SPTBN2: variants seen among roughly 807,000 people sequenced by gnomAD.
SPTBN2 encodes the protein spectrin beta chain, non-erythrocytic 2.
In SPTBN2, 107 loss-of-function variants were observed where a neutral mutation model predicts 284.2. That is an observed-to-expected ratio of 0.38 (90% confidence interval 0.32 to 0.44). The LOEUF (loss-of-function observed/expected upper bound fraction) is 0.44, where lower values mean the gene tolerates loss of function less well. SPTBN2 is among the 20% of genes least tolerant of loss of function. The probability of loss-of-function intolerance (pLI) is 1.00; values close to 1 mark genes in which losing one functional copy is unlikely to be tolerated. For synonymous variants in SPTBN2, 1,289 were observed against 1,354.8 expected, an observed-to-expected ratio of 0.95 and a Z score of 1.07; for missense variants, 2,569 against 3,287.1, an observed-to-expected ratio of 0.78 and a Z score of 5.34.
intron 3 of SPTBN2, among the ~76,000 whole-genome samples, chr11:66,719,977 T>C (rs1315171371): frequency 6.6e-6 from 1 of 152,172 alleles, no homozygotes; most frequent in Non-Finnish European, 1.5e-5. Flanking sequence ...TGGGAAGCTA[T>C]GGCTGCCACA....
At chr11:66,692,479 G>A in intron 26 of SPTBN2, 57 bp downstream of exon 26, 2 of 1,589,876 alleles carry the variant, frequency 1.3e-6, no homozygotes, top group Non-Finnish European at 8.5e-7. Context: ...TAGTCTCCCT[G>A]TGGGTCCTCC....
At position 66,685,652 on chromosome 11, in the gene SPTBN2, T is replaced by C; in HGVS notation, c.*219A>G. 1.7e-6 allele frequency: 1 copy of C among 575,232 alleles called. No homozygotes were observed. Among genetic ancestry groups the C allele is most frequent in the Non-Finnish European group, 3.1e-6 (1 of 319,066 alleles). 35.6% of individuals were successfully genotyped at this position (575,232 alleles called of 1,614,324 possible). A position where few individuals can be genotyped will look rare whatever the true frequency, so the allele number is the denominator to read the frequency against. On this transcript the variant is annotated 3_prime_UTR_variant, in exon 38 of 38. Transcript: ENST00000533211. The surrounding 1 kb of genome is among the most constrained non-coding windows in gnomAD (Gnocchi z 4.4). ...AGTCGGCGGGGGTGGGAGAGGGGGT[T>C]ACCTGGGTCCCACCACCAGTCTGGA...
intron 8 of SPTBN2, chr11:66,712,618 A>G (rs1941927209): frequency 6.6e-6 from 1 of 152,038 alleles, no homozygotes. Context: ...CCAGAACCAC[A>G]GGAACCAATC....
At chr11:66,730,106 G>A (rs1942780373), upstream of SPTBN2, among the ~76,000 whole-genome samples, 1 of 152,040 alleles carries the variant, frequency 6.6e-6, no homozygotes, top group Non-Finnish European at 1.5e-5. Context: ...CAGGCCTGAG[G>A]CTATTTATTA....
At chr11:66,697,466 C>T (rs555316745) in intron 20 of SPTBN2, among the ~76,000 whole-genome samples, 7 of 151,542 alleles carry the variant, frequency 4.6e-5, no homozygotes, top group African/African-American at 1.5e-4. Flanking sequence ...GCTTCTCTCC[C>T]ACCTCTTCTT....
Position 66,684,816 on chromosome 11 carries a change from G to C in SPTBN2, c.*1055C>G, listed in dbSNP as rs997343608. ...TCTACTGGAGAGCAGACGGCAAGTG[G>C]GGGCAGTAAGCACCCGCTGTGTGCT... On this transcript the variant is annotated 3_prime_UTR_variant, in exon 38 of 38. Coordinates refer to ENST00000533211, the MANE Select transcript of SPTBN2 (RefSeq NM_006946.4). Among the ~76,000 whole-genome samples the C allele has an allele frequency of 6.6e-6, 1 of 152,090 alleles. No individual in the cohort carries two copies. The highest frequency in any genetic ancestry group is 2.4e-5 in the African/African-American group (1 of 41,414).
Position 66,691,405 on chromosome 11 carries a change from G to A in SPTBN2, c.5444C>T (p.Ala1815Val), listed in dbSNP as rs980898064. ...CTGCTGCTGCTTGTGCTGCACCCGC[G>A]CCAGGGCTTGGCGTGCCCCGTGCAG... ...RFLHGARQAL[A>V]RVQHKQQQLP... The change falls in exon 27 of 38, where the codon GCG becomes GTG. Residue 1815 changes from alanine to valine, a missense_variant. This residue lies in a region of SPTBN2 where 1,130 missense variants were observed against 1,317.3 expected (regional missense o/e 0.86). Coordinates refer to ENST00000533211, the MANE Select transcript of SPTBN2 (RefSeq NM_006946.4). This position sits in a 1 kb window ranked among gnomAD's most constrained non-coding sequence, Gnocchi z 8.0. 7.5e-6 allele frequency: 12 copies of A among 1,610,626 alleles called. No individual in the cohort carries two copies. The South Asian group carries it at 7.7e-5, about 10-fold the overall frequency.
chr11:66,707,899 G>A lies in SPTBN2; in HGVS notation c.1351-81C>T, dbSNP rs1045251918. ...GCTCCTCTGTCCTGCAGGGCACTTG[G>A]CCTGCAAGATCCCAGCTCCATGCGG... On this transcript the variant is annotated intron_variant, in intron 12 of 37. Coordinates refer to ENST00000533211, the MANE Select transcript of SPTBN2 (RefSeq NM_006946.4). The surrounding 1 kb of genome is among the most constrained non-coding windows in gnomAD (Gnocchi z 4.9). 18 of 1,534,344 alleles carry A rather than the reference G, an allele frequency of 1.2e-5. No individual in the cohort carries two copies. Among genetic ancestry groups the A allele is most frequent in the Non-Finnish European group, 1.5e-5 (17 of 1,130,842 alleles).
chr11:66,688,566 G>T, intron 31 of SPTBN2, 87 bp downstream of exon 31: 1 of 1,545,114 alleles, frequency 6.5e-7, no homozygotes, highest in Non-Finnish European at 8.8e-7. Flanking sequence ...GCAGTGGGAA[G>T]AGAGAAGACA....
intron 20 of SPTBN2, 69 bp downstream of exon 20, chr11:66,698,570 C>T (rs868713712): frequency 6.2e-7 from 1 of 1,610,804 alleles, no homozygotes; most frequent in Non-Finnish European, 8.5e-7. Flanking sequence ...AAAACCACGT[C>T]CTGGAGCCAG....
At chr11:66,743,250 A>G (rs1038330760) in intron 1 of SPTBN2, among the ~76,000 whole-genome samples, 1 of 151,746 alleles carries the variant, frequency 6.6e-6, no homozygotes, top group Admixed American at 6.5e-5. Context: ...CCTTGCTCCA[A>G]TAGGTCTACC....
At chr11:66,705,663 G>A in intron 14 of SPTBN2, 21 bp downstream of exon 14, 1 of 1,609,496 alleles carries the variant, frequency 6.2e-7, no homozygotes. Context: ...TCCCTCTCCA[G>A]TGCCTTCGCT....
rs55950324 is a variant in SPTBN2 at position 66,683,063 on chromosome 11, A to ATT, written c.*2806_*2807dup. On this transcript the variant is annotated 3_prime_UTR_variant, in exon 38 of 38. Coordinates refer to ENST00000533211, the MANE Select transcript of SPTBN2 (RefSeq NM_006946.4). ...ACCACCATGCCTGGCCAAGTAATCCATTTTTTTTTTTTTTTTTTTTTTGAG... is the reference window on the plus strand; with the variant it reads ...ACCACCATGCCTGGCCAAGTAATCCATTTTTTTTTTTTTTTTTTTTTTTTGAG... Among the ~76,000 whole-genome samples, 2,500 of 95,642 alleles carry ATT rather than the reference A, an allele frequency of 0.026. 138 individuals carry two copies. Among genetic ancestry groups the ATT allele is most frequent in the African/African-American group, 0.047 (1,043 of 22,270 alleles). 62.7% of individuals were successfully genotyped at this position (95,642 alleles called of 152,430 possible). A position where few individuals can be genotyped will look rare whatever the true frequency, so the allele number is the denominator to read the frequency against.
In SPTBN2 at chr11:66,705,015, G is replaced by T; in HGVS notation, c.2261C>A (p.Ala754Asp). ...CCAGGCCTCCATGTCGTTTGCATCGGCCTGGAACTGGTAGAGGCTGGCGGC... is the reference window on the plus strand; with the variant it reads ...CCAGGCCTCCATGTCGTTTGCATCGTCCTGGAACTGGTAGAGGCTGGCGGC... Reference protein sequence around the residue: ...AQAASLYQFQADANDMEAWLV... With the variant: ...AQAASLYQFQDDANDMEAWLV... Residue 754 changes from alanine (A) to aspartate (D), a missense_variant, in exon 15 of 38, where the codon GCC becomes GAC. By Grantham distance (126) the Ala-to-Asp change is moderately radical. Around this residue, in one of 6 missense-constraint regions of SPTBN2, gnomAD observed 1,012 missense variants for 1,248.9 expected, o/e 0.81. Coordinates refer to ENST00000533211, the MANE Select transcript of SPTBN2 (RefSeq NM_006946.4). The T allele has an allele frequency of 6.2e-7, 1 of 1,603,542 alleles. No individual in the cohort carries two copies.
Position 66,687,921 on chromosome 11 carries a change from G to T in SPTBN2, c.6451-3C>A. The T allele has an allele frequency of 6.2e-7, 1 of 1,614,208 alleles. No individual in the cohort carries two copies. Among genetic ancestry groups the T allele is most frequent in the Non-Finnish European group, 8.5e-7 (1 of 1,180,040 alleles). ...AGTCTCTGTTGTCCCAGCAGGGGCT[G>T]CAAGGACAAGAATCTGTAAAAGGAT... is the stretch of plus-strand genomic sequence containing the variant. On this transcript the variant is annotated splice_region_variant and splice_polypyrimidine_tract_variant and intron_variant, in intron 33 of 37. Coordinates refer to ENST00000533211, the MANE Select transcript of SPTBN2 (RefSeq NM_006946.4). This position sits in a 1 kb window ranked among gnomAD's most constrained non-coding sequence, Gnocchi z 5.2.
chr11:66,687,829 C>T lies in SPTBN2; in HGVS notation c.6501+39G>A, dbSNP rs1319443247. On this transcript the variant is annotated intron_variant, in intron 34 of 37. Coordinates refer to ENST00000533211, the MANE Select transcript of SPTBN2 (RefSeq NM_006946.4). The surrounding 1 kb of genome is among the most constrained non-coding windows in gnomAD (Gnocchi z 5.2). ...CTCACCACCCCCTCTGGACCCTTCGCCTCACAGTTATCAACACCACACTTG... is the reference window on the plus strand; with the variant it reads ...CTCACCACCCCCTCTGGACCCTTCGTCTCACAGTTATCAACACCACACTTG... 1.2e-6 allele frequency: 2 copies of T among 1,613,864 alleles called. No individual in the cohort carries two copies. The highest frequency in any genetic ancestry group is 2.2e-5 in the East Asian group (1 of 44,880).
chr11:66,707,170 G>C lies in SPTBN2; in HGVS notation c.1653+346C>G, dbSNP rs999239880. ...GAACATTCTCTCCTGAGAGCTCTCT[G>C]TGCTGGCTCCTGGCACTATTCTGGT... On this transcript the variant is annotated intron_variant, in intron 13 of 37. Coordinates refer to ENST00000533211, the MANE Select transcript of SPTBN2 (RefSeq NM_006946.4). The surrounding 1 kb of genome is among the most constrained non-coding windows in gnomAD (Gnocchi z 4.9). Among the ~76,000 whole-genome samples the C allele has an allele frequency of 3.3e-5, 5 of 152,240 alleles. No individual in the cohort carries two copies. The highest frequency in any genetic ancestry group is 7.3e-5 in the Non-Finnish European group (5 of 68,046).
At chr11:66,720,682 A>G (rs1357431650) in intron 3 of SPTBN2, among the ~76,000 whole-genome samples, 2 of 152,084 alleles carry the variant, frequency 1.3e-5, no homozygotes, top group Non-Finnish European at 2.9e-5. Flanking sequence ...TAGACTGGGA[A>G]CAGGTGTGGG....
At position 66,710,237 on chromosome 11, in the gene SPTBN2, GT is replaced by G. The variant is rs1039505193; in HGVS notation, c.1073+344del. On this transcript the variant is annotated intron_variant, in intron 10 of 37. Coordinates refer to ENST00000533211, the MANE Select transcript of SPTBN2 (RefSeq NM_006946.4). The surrounding 1 kb of genome is among the most constrained non-coding windows in gnomAD (Gnocchi z 4.9). Reference sequence around the variant, plus strand: ...TTTTTGTAATTTTAGTGGAGACGGGGTTTCACCATGTTGGCCAGGCTGGTCT... The same window carrying G: ...TTTTTGTAATTTTAGTGGAGACGGGGTTCACCATGTTGGCCAGGCTGGTCT... 2.6e-5 allele frequency among the ~76,000 whole-genome samples: 4 copies of G among 151,160 alleles called. No individual in the cohort carries two copies. Among genetic ancestry groups the G allele is most frequent in the African/African-American group, 9.7e-5 (4 of 41,068 alleles).
Sources: allele counts gnomAD v4.1 joint callset (sites outside exome capture counted in the v4.1 genomes callset), GRCh38; gene constraint gnomAD v4.1.1; regional missense constraint gnomAD v4.1.1; non-coding constraint Gnocchi (gnomAD v3.1); transcripts MANE v1.5; gene names NCBI Gene and HGNC (gene_info 2026-07-23, HGNC 2026-07-21).